The following HRH1 variants were observed in gnomAD, a reference collection of about 807,000 sequenced individuals.
HRH1 encodes histamine H1 receptor.
A neutral mutation model predicts 10.3 loss-of-function variants in HRH1; 6 were observed. The observed-to-expected ratio is 0.58, with a 90% CI of 0.32 to 1.15. The LOEUF is 1.15. Ranked by LOEUF, HRH1 falls within the 50% of genes most tolerant of loss-of-function variation. The pLI is 0.05. For synonymous variants in HRH1, 242 were observed against 236.7 expected, an observed-to-expected ratio of 1.02 and a Z score of -0.21; for missense variants, 514 against 615.3, an observed-to-expected ratio of 0.84 and a Z score of 1.74.
intron 1 of HRH1, among the ~76,000 whole-genome samples, chr3:11,178,591 AC>A (rs1937290568): frequency 6.6e-6 from 1 of 152,056 alleles, no homozygotes; most frequent in Non-Finnish European, 1.5e-5. Flanking sequence ...ATGCCCAAGA[AC>A]TTCCACCTTC....
intron 1 of HRH1, among the ~76,000 whole-genome samples, chr3:11,170,138 C>T (rs1019379195): frequency 6.6e-6 from 1 of 152,194 alleles, no homozygotes; most frequent in African/African-American, 2.4e-5. Flanking sequence ...TGAACGACCC[C>T]TCTGAGTCTC....
At chr3:11,218,034 A>G (rs542678790) in intron 1 of HRH1, among the ~76,000 whole-genome samples, 1 of 152,372 alleles carries the variant, frequency 6.6e-6, no homozygotes, top group East Asian at 1.9e-4. Context: ...CTTTCAAGGA[A>G]AAAGTATAAG....
intron 1 of HRH1, among the ~76,000 whole-genome samples, chr3:11,188,554 CAGAAA>C (rs1937489666): frequency 6.6e-6 from 1 of 151,928 alleles, no homozygotes; most frequent in Non-Finnish European, 1.5e-5. Context: ...AACCCTGTCT[CAGAAA>C]AGAAAAGAAT....
chr3:11,137,730 G>A lies in HRH1; in HGVS notation c.-36+331G>A, dbSNP rs927266187. On this transcript the variant is annotated intron_variant, in intron 1 of 1. Coordinates refer to the HRH1 transcript ENST00000438284. Reference sequence around the variant, plus strand: ...TTCTTGAGGATGGGGAACAGCGACCGGAACGGACCCTGTTATCTTCAGATT... The same window carrying A: ...TTCTTGAGGATGGGGAACAGCGACCAGAACGGACCCTGTTATCTTCAGATT... Among the ~76,000 whole-genome samples, 6 of 152,210 alleles carry A rather than the reference G, an allele frequency of 3.9e-5. No homozygotes were observed. The Middle Eastern group carries it at 0.01, about 259-fold the overall frequency.
At chr3:11,205,203 G>T (rs1938071918) in intron 1 of HRH1, among the ~76,000 whole-genome samples, 1 of 152,188 alleles carries the variant, frequency 6.6e-6, no homozygotes, top group Admixed American at 6.5e-5. Flanking sequence ...TCTCCAGGGA[G>T]AAATTCTTCC....
At chr3:11,238,932 G>T (rs114343072) in intron 1 of HRH1, among the ~76,000 whole-genome samples, 1,615 of 152,192 alleles carry the variant, frequency 0.011, 23 homozygotes, top group African/African-American at 0.034. Flanking sequence ...TGAACATTTG[G>T]TTTTTTTCCA....
chr3:11,163,841 T>A (rs557011672), intron 1 of HRH1, among the ~76,000 whole-genome samples: 2 of 152,150 alleles, frequency 1.3e-5, no homozygotes, highest in Non-Finnish European at 2.9e-5. Flanking sequence ...CCAGGAAGTC[T>A]TCCCTGAATA....
chr3:11,198,616 A>C (rs578028057), intron 1 of HRH1, among the ~76,000 whole-genome samples: 7 of 152,084 alleles, frequency 4.6e-5, no homozygotes, highest in African/African-American at 1.7e-4. Context: ...TCACTCCCAT[A>C]ATCCCAGTGC....
chr3:11,208,709 G>A (rs1364411233), intron 1 of HRH1, among the ~76,000 whole-genome samples: 1 of 152,198 alleles, frequency 6.6e-6, no homozygotes, highest in East Asian at 1.9e-4. Context: ...TCCCATGTCA[G>A]CAGAGAAAGC....
intron 1 of HRH1, among the ~76,000 whole-genome samples, chr3:11,207,021 TGAA>T (rs1478732886): frequency 6.6e-6 from 1 of 152,054 alleles, no homozygotes; most frequent in African/African-American, 2.4e-5. Context: ...GTCTGAGAGT[TGAA>T]GGACGGATGG....
intron 1 of HRH1, among the ~76,000 whole-genome samples, chr3:11,139,023 T>A (rs1936240954): frequency 6.6e-6 from 1 of 150,448 alleles, no homozygotes; most frequent in Non-Finnish European, 1.5e-5. Context: ...ATTTTGCTCT[T>A]GTTGCCCAGG....
chr3:11,204,563 G>A (rs572696533), intron 1 of HRH1, among the ~76,000 whole-genome samples: 2 of 152,274 alleles, frequency 1.3e-5, no homozygotes, highest in South Asian at 2.1e-4. Flanking sequence ...CTGAATCACC[G>A]AAGGGGAAGG....
upstream of HRH1, among the ~76,000 whole-genome samples, chr3:11,149,733 A>C (rs894950099): frequency 6.6e-6 from 1 of 152,294 alleles, no homozygotes; most frequent in African/African-American, 2.4e-5. Context: ...AACAGAATTT[A>C]TGCTGAACAC....
chr3:11,224,556 C>T (rs897744727), intron 1 of HRH1, among the ~76,000 whole-genome samples: 3 of 152,082 alleles, frequency 2.0e-5, no homozygotes, highest in Non-Finnish European at 2.9e-5. Flanking sequence ...AAAAATTAGC[C>T]GAGCATGGTG....
chr3:11,198,363 A>G (rs910752039), intron 1 of HRH1, among the ~76,000 whole-genome samples: 4 of 152,086 alleles, frequency 2.6e-5, no homozygotes, highest in African/African-American at 9.7e-5. Context: ...TCTGATCTGT[A>G]TCATTTCCAT....
intron 1 of HRH1, among the ~76,000 whole-genome samples, chr3:11,146,328 CT>C (rs1936443542): frequency 1.3e-5 from 2 of 152,164 alleles, no homozygotes; most frequent in African/African-American, 4.8e-5. Context: ...TTACCTCCCC[CT>C]GTTTTAGGCT....
intron 1 of HRH1, among the ~76,000 whole-genome samples, chr3:11,202,065 G>A (rs949177197): frequency 1.1e-4 from 16 of 152,180 alleles, no homozygotes; most frequent in South Asian, 8.3e-4. Context: ...TGAGTTTTGC[G>A]GTAGATAAAA....
chr3:11,191,913 A>C (rs1423465982), intron 1 of HRH1, among the ~76,000 whole-genome samples: 1 of 152,222 alleles, frequency 6.6e-6, no homozygotes, highest in Non-Finnish European at 1.5e-5. Flanking sequence ...TGGGGCTGGC[A>C]TGGCCCCTGG....
chr3:11,157,793 T>A (rs1414221788), intron 1 of HRH1, among the ~76,000 whole-genome samples: 1 of 152,244 alleles, frequency 6.6e-6, no homozygotes, highest in Non-Finnish European at 1.5e-5. Flanking sequence ...TGTTAGAAAC[T>A]ATCACATCCC....
Sources: allele counts gnomAD v4.1 joint callset (sites outside exome capture counted in the v4.1 genomes callset), GRCh38; gene constraint gnomAD v4.1.1; transcripts MANE v1.5; gene names NCBI Gene and HGNC (gene_info 2026-07-23, HGNC 2026-07-21).